OR2AT4: variants seen among roughly 807,000 people sequenced by gnomAD.
The protein encoded by OR2AT4 is olfactory receptor family 2 subfamily AT member 4.
Under a neutral mutation model 10.3 loss-of-function variants are expected in OR2AT4, and 6 were observed. The ratio of observed to expected loss-of-function variants is 0.58; its 90% CI spans 0.32 to 1.15. The LOEUF (loss-of-function observed/expected upper bound fraction) is 1.15. Among genes scored for constraint, OR2AT4 ranks in the 50% most tolerant of loss-of-function variants. OR2AT4 has a pLI of 0.05. For missense variants in OR2AT4, 354 were observed against 393.8 expected, an observed-to-expected ratio of 0.90 and a Z score of 0.85; for synonymous variants, 145 against 159.1, an observed-to-expected ratio of 0.91 and a Z score of 0.67.
At position 75,092,132 on chromosome 11, in the gene OR2AT4, A is replaced by G. The variant is rs557270228; in HGVS notation, c.-651-1768T>C. Among the ~76,000 whole-genome samples, 48 of 152,352 alleles carry G rather than the reference A, an allele frequency of 3.2e-4. 1 individual carries two copies. The highest frequency in any genetic ancestry group is 1.1e-3 in the African/African-American group (47 of 41,588). On this transcript the variant is annotated intron_variant, in intron 1 of 1. Transcript: ENST00000641504. ...GAGAACATCCAAATGGCCAATAAGCATATGAAAAAATTAGCCATCTAGAGA... is the reference window on the plus strand; with the variant it reads ...GAGAACATCCAAATGGCCAATAAGCGTATGAAAAAATTAGCCATCTAGAGA...
chr11:75,094,364 T>A (rs11236325), intron 1 of OR2AT4, among the ~76,000 whole-genome samples: 21,112 of 152,218 alleles, frequency 0.14, 1,839 homozygotes, highest in East Asian at 0.4. Context: ...AGCAGCAAAC[T>A]ACAAATTTCA....
intron 1 of OR2AT4, among the ~76,000 whole-genome samples, chr11:75,094,279 C>T (rs1365728606): frequency 2.0e-5 from 3 of 151,948 alleles, no homozygotes; most frequent in Non-Finnish European, 4.4e-5. Context: ...AATCTGGAAG[C>T]TCAAATTTTC....
chr11:75,085,082 C>T (rs1591783886), exon 2 of OR2AT4: 1 of 151,888 alleles, frequency 6.6e-6, no homozygotes, highest in Non-Finnish European at 1.5e-5. Context: ...AAGAAACAAA[C>T]TAAATGCTGA....
chr11:75,094,618 T>G (rs1442207829), intron 1 of OR2AT4, among the ~76,000 whole-genome samples: 1 of 152,118 alleles, frequency 6.6e-6, no homozygotes, highest in African/African-American at 2.4e-5. Context: ...GTACAGTGGC[T>G]TGTGCCTGTG....
chr11:75,092,512 G>A (rs765334451), intron 1 of OR2AT4, among the ~76,000 whole-genome samples: 19 of 152,176 alleles, frequency 1.2e-4, no homozygotes, highest in South Asian at 1.0e-3. Context: ...TAGTGATGCA[G>A]CTAAAGATAT....
In OR2AT4 at chr11:75,086,238, G is replaced by A. The variant is rs566539321; in HGVS notation, c.*2513C>T. On this transcript the variant is annotated 3_prime_UTR_variant, in exon 2 of 2. Coordinates refer to ENST00000641504, the Ensembl canonical transcript of OR2AT4. ...AAAATAGAAAACTTCTAGAAACTTC[G>A]TTTTCTATAGGGCAAAATCTGCATG... 1.4e-4 allele frequency: 22 copies of A among 152,158 alleles called. No individual in the cohort carries two copies. The South Asian group carries it at 2.7e-3, about 19-fold the overall frequency. 9.4% of individuals were successfully genotyped at this position (152,158 alleles called of 1,614,324 possible). A position where few individuals can be genotyped will look rare whatever the true frequency, so the allele number is the denominator to read the frequency against.
intron 1 of OR2AT4, among the ~76,000 whole-genome samples, chr11:75,091,932 C>T (rs1949322061): frequency 6.6e-6 from 1 of 152,014 alleles, no homozygotes. Flanking sequence ...AAATACAATA[C>T]AAAGAGAATA....
chr11:75,085,732 T>C (rs1348620200), exon 2 of OR2AT4: 1 of 152,072 alleles, frequency 6.6e-6, no homozygotes, highest in Admixed American at 6.6e-5. Context: ...GAGAGATATA[T>C]TATATTCATG....
At chr11:75,094,617 C>CG (rs1949337783) in intron 1 of OR2AT4, among the ~76,000 whole-genome samples, 1 of 152,158 alleles carries the variant, frequency 6.6e-6, no homozygotes, top group African/African-American at 2.4e-5. Flanking sequence ...AGTACAGTGG[C>CG]TTGTGCCTGT....
At chr11:75,092,618 G>T (rs1220926483) in intron 1 of OR2AT4, among the ~76,000 whole-genome samples, 4 of 152,036 alleles carry the variant, frequency 2.6e-5, no homozygotes, top group African/African-American at 9.7e-5. Context: ...TGTCACCATG[G>T]ATTAAATTTT....
exon 2 of OR2AT4, chr11:75,082,359 G>A (rs931907528): frequency 4.6e-5 from 7 of 152,064 alleles, no homozygotes; most frequent in South Asian, 4.1e-4. Context: ...TAAATGATGA[G>A]TTAGTGGGTG....
chr11:75,084,635 A>T (rs947099141), exon 2 of OR2AT4: 9 of 152,250 alleles, frequency 5.9e-5, no homozygotes, highest in Non-Finnish European at 1.2e-4. Flanking sequence ...CATTAAAAAA[A>T]TTTAAAAGAA....
chr11:75,089,118 G>T (rs1384027999), exon 2 of OR2AT4: 4 of 1,614,024 alleles, frequency 2.5e-6, no homozygotes, highest in Non-Finnish European at 3.4e-6. Context: ...GAGGGTCTGG[G>T]GGGTGGTGTC....
chr11:75,083,646 T>A (rs1254033428), exon 2 of OR2AT4: 1 of 152,162 alleles, frequency 6.6e-6, no homozygotes, highest in Non-Finnish European at 1.5e-5. Flanking sequence ...TCAACCTAGG[T>A]GCCCATCAGC....
intron 1 of OR2AT4, among the ~76,000 whole-genome samples, chr11:75,092,694 C>T (rs1949325830): frequency 6.6e-6 from 1 of 151,974 alleles, no homozygotes; most frequent in South Asian, 2.1e-4. Flanking sequence ...ACCTGTAATC[C>T]TAATACTTTG....
intron 1 of OR2AT4, among the ~76,000 whole-genome samples, chr11:75,093,798 CTTTTTCTTTTTCTTTTTTTTTTTTTTTT>C (rs1565515288): frequency 1.1e-5 from 1 of 87,796 alleles, no homozygotes; most frequent in African/African-American, 4.9e-5. Flanking sequence ...TCTTTTTTTT[CTTTTTCTTTTTCTTTTTTTTTTTTTTTT>C]TTTTTTTTTT....
chr11:75,089,679 C>T (rs745609909), exon 2 of OR2AT4: 6 of 1,613,180 alleles, frequency 3.7e-6, no homozygotes, highest in Non-Finnish European at 4.2e-6. Context: ...GACGGGTGAG[C>T]CATCCACTGA....
chr11:75,095,677 CT>C (rs11314522), intron 1 of OR2AT4, among the ~76,000 whole-genome samples: 33,772 of 127,550 alleles, frequency 0.26, 3,982 homozygotes, highest in African/African-American at 0.38. Context: ...CACCTAACCT[CT>C]TTTTTTTTTT....
chr11:75,083,680 GT>G (rs1949276381), exon 2 of OR2AT4: 2 of 152,080 alleles, frequency 1.3e-5, no homozygotes, highest in Non-Finnish European at 2.9e-5. Flanking sequence ...AAGAAAATTG[GT>G]CCAAATATGG....
Sources: gnomAD v4.1 joint callset for allele counts (sites outside exome capture counted in the v4.1 genomes callset) on GRCh38, gnomAD v4.1.1 for gene constraint, MANE v1.5 for transcripts, NCBI Gene and HGNC (gene_info 2026-07-23, HGNC 2026-07-21) for gene names.